Variants in TRMT11 observed in about 807,000 individuals in gnomAD.
TRMT11 encodes the protein tRNA methyltransferase 11.
A neutral mutation model predicts 62.8 loss-of-function variants in TRMT11; 53 were observed. The observed-to-expected ratio is 0.84, with a 90% CI of 0.68 to 1.06. The LOEUF is 1.06. TRMT11 is among the 50% of genes least tolerant of loss of function. The pLI is 0.00. For synonymous variants in TRMT11, 188 were observed against 190.3 expected (o/e 0.99, Z 0.10); for missense variants, 556 against 553.4 (o/e 1.00, Z -0.05).
the TRMT11 span, among the ~76,000 whole-genome samples, chr6:126,225,776 T>A: frequency 6.9e-6 from 1 of 144,522 alleles, no homozygotes; most frequent in African/African-American, 2.6e-5. Flanking sequence ...TTGCACCCTC[T>A]ACCTCCTGGT....
intron 1 of TRMT11, among the ~76,000 whole-genome samples, chr6:126,187,425 T>C (rs1219187009): frequency 6.6e-6 from 1 of 151,972 alleles, no homozygotes; most frequent in Non-Finnish European, 1.5e-5. Context: ...GACCCTACAC[T>C]AAAATTTATA....
At chr6:126,234,423 C>A in the TRMT11 span, among the ~76,000 whole-genome samples, 1 of 151,522 alleles carries the variant, frequency 6.6e-6, no homozygotes, top group Non-Finnish European at 1.5e-5. Flanking sequence ...TTGGAAGCTC[C>A]CAATAAATAT....
At chr6:126,121,566 A>G (rs1391916676) in intron 21 of TRMT11, among the ~76,000 whole-genome samples, 1 of 152,082 alleles carries the variant, frequency 6.6e-6, no homozygotes, top group Non-Finnish European at 1.5e-5. Flanking sequence ...TTAATGTTCT[A>G]TCTTCTTCAA....
At chr6:126,245,214 G>T in the TRMT11 span, among the ~76,000 whole-genome samples, 1,473 of 152,296 alleles carry the variant, frequency 9.7e-3, 30 homozygotes, top group African/African-American at 0.033. Context: ...ATTAGAGCTG[G>T]AGGAACTATT....
the TRMT11 span, among the ~76,000 whole-genome samples, chr6:126,271,289 G>A: frequency 3.5e-3 from 525 of 149,704 alleles, 4 homozygotes; most frequent in South Asian, 0.012. Flanking sequence ...GCTTGAACCC[G>A]GGAGGTGGAG....
chr6:126,247,130 T>A, the TRMT11 span, among the ~76,000 whole-genome samples: 1 of 152,200 alleles, frequency 6.6e-6, no homozygotes. Flanking sequence ...GCTTGCTCCC[T>A]GATTTCTGCT....
intron 12 of TRMT11, among the ~76,000 whole-genome samples, chr6:126,032,625 G>C (rs1002319286): frequency 3.3e-5 from 5 of 152,112 alleles, no homozygotes; most frequent in African/African-American, 9.7e-5. Context: ...CTTCTGGATA[G>C]GTGTTTCCTT....
intron 17 of TRMT11, among the ~76,000 whole-genome samples, chr6:126,067,753 A>G (rs1248019956): frequency 6.6e-6 from 1 of 152,152 alleles, no homozygotes; most frequent in Non-Finnish European, 1.5e-5. Context: ...TACTTTAATG[A>G]ATTATGCCAA....
chr6:126,085,976 CA>C (rs201207343), intron 17 of TRMT11, among the ~76,000 whole-genome samples: 4,241 of 152,154 alleles, frequency 0.028, 90 homozygotes, highest in Non-Finnish European at 0.044. Context: ...TTCCTAAAAA[CA>C]ACAAAAATGA....
At chr6:126,093,624 TATATATA>T (rs1777305096) in intron 17 of TRMT11, among the ~76,000 whole-genome samples, 5 of 107,482 alleles carry the variant, frequency 4.7e-5, no homozygotes, top group East Asian at 5.1e-4. Context: ...TATATATATA[TATATATA>T]TTTTCCCCCA....
chr6:126,157,893 C>G (rs1480833051), intron 21 of TRMT11, among the ~76,000 whole-genome samples: 3 of 151,930 alleles, frequency 2.0e-5, no homozygotes, highest in Non-Finnish European at 2.9e-5. Flanking sequence ...GAATGCTCTC[C>G]CATGAATTTG....
chr6:126,086,420 CT>C (rs1777217523), intron 17 of TRMT11, among the ~76,000 whole-genome samples: 1 of 152,266 alleles, frequency 6.6e-6, no homozygotes, highest in Admixed American at 6.5e-5. Context: ...CATACCTATC[CT>C]TATCAAGTCA....
At chr6:126,100,459 AG>A (rs1777385765) in intron 17 of TRMT11, among the ~76,000 whole-genome samples, 1 of 152,186 alleles carries the variant, frequency 6.6e-6, no homozygotes, top group African/African-American at 2.4e-5. Flanking sequence ...TTATTGTGTT[AG>A]GAGTCTTTCT....
Position 126,151,850 on chromosome 6 carries a change from CTTT to C in TRMT11, c.*1824-22974_*1824-22972del, listed in dbSNP as rs1583890718. On this transcript the variant is annotated intron_variant and NMD_transcript_variant, in intron 21 of 22. Coordinates refer to the TRMT11 transcript ENST00000648977. The stretch of plus-strand genomic sequence containing the variant: ...TCTTTCTTTCTTTCTTTCTTTCTTT[CTTT>C]CTTTCTTTCTTTCCTTCTTTCTCCT... Among the ~76,000 whole-genome samples the C allele has an allele frequency of 7.7e-5, 10 of 129,502 alleles. No homozygotes were observed. The East Asian group carries it at 1.3e-3, about 17-fold the overall frequency. 85.0% of individuals were successfully genotyped at this position (129,502 alleles called of 152,430 possible). A position where few individuals can be genotyped will look rare whatever the true frequency, so the allele number is the denominator to read the frequency against.
At chr6:126,175,548 T>C (rs1264290904), upstream of TRMT11, among the ~76,000 whole-genome samples, 2 of 152,306 alleles carry the variant, frequency 1.3e-5, no homozygotes, top group East Asian at 3.9e-4. Context: ...TTGAAAACTT[T>C]GGATAAGCAT....
At chr6:126,202,815 A>G (rs1411180321), downstream of TRMT11, among the ~76,000 whole-genome samples, 3 of 152,220 alleles carry the variant, frequency 2.0e-5, no homozygotes, top group Non-Finnish European at 4.4e-5. Context: ...TGGGGGCGTC[A>G]TCTTTGCTGG....
upstream of TRMT11, among the ~76,000 whole-genome samples, chr6:126,174,800 T>C (rs1167698241): frequency 6.6e-6 from 1 of 152,210 alleles, no homozygotes. Context: ...AACTTCATGC[T>C]ATAATTGTGC....
intron 1 of TRMT11, among the ~76,000 whole-genome samples, chr6:126,182,933 G>A (rs1778483724): frequency 6.6e-6 from 1 of 152,000 alleles, no homozygotes; most frequent in African/African-American, 2.4e-5. Flanking sequence ...TAATTGAAAG[G>A]CCAATTTCAG....
At chr6:126,045,582 GT>G (rs1411230739) in intron 16 of TRMT11, among the ~76,000 whole-genome samples, 1 of 152,214 alleles carries the variant, frequency 6.6e-6, no homozygotes, top group Non-Finnish European at 1.5e-5. Flanking sequence ...TCCAGTGATA[GT>G]TACCCAAATG....
Sources: allele counts gnomAD v4.1 joint callset (sites outside exome capture counted in the v4.1 genomes callset), GRCh38; gene constraint gnomAD v4.1.1; transcripts MANE v1.5; gene names NCBI Gene and HGNC (gene_info 2026-07-23, HGNC 2026-07-21).